AFG3L2: variants seen among roughly 807,000 people sequenced by gnomAD.
The protein encoded by AFG3L2 is mitochondrial inner membrane m-AAA protease component AFG3L2.
AFG3L2 carries 54 observed loss-of-function variants against 94.5 expected under a neutral mutation model. The observed-to-expected ratio is 0.57, with a 90% CI of 0.46 to 0.72. The LOEUF is 0.72. AFG3L2 is among the 30% of genes least tolerant of loss of function. The pLI is 0.00. For missense variants in AFG3L2, 754 were observed against 994.9 expected, an observed-to-expected ratio of 0.76 and a Z score of 3.26; for synonymous variants, 377 against 365.5, an observed-to-expected ratio of 1.03 and a Z score of -0.36.
At position 12,367,261 on chromosome 18, in the gene AFG3L2, T is replaced by C; in HGVS notation, c.399+15A>G. ...CATCATAACCTCAAAATTCACACAA[T>C]GTATAGCATCAAACCTTCTGAAACC... is the stretch of plus-strand genomic sequence containing the variant. On this transcript the variant is annotated intron_variant, in intron 4 of 16. Coordinates refer to ENST00000269143, the MANE Select transcript of AFG3L2 (RefSeq NM_006796.3). 26 of 1,614,072 alleles carry C rather than the reference T, an allele frequency of 1.6e-5. No individual in the cohort carries two copies. The highest frequency in any genetic ancestry group is 2.1e-5 in the Non-Finnish European group (25 of 1,179,978).
intron 9 of AFG3L2, among the ~76,000 whole-genome samples, chr18:12,355,769 C>T (rs990439873): frequency 5.3e-5 from 8 of 151,530 alleles, no homozygotes; most frequent in Non-Finnish European, 1.0e-4. Context: ...CCCAGGTTCA[C>T]GCCATTCTCC....
At chr18:12,349,908 T>C (rs1908260254) in intron 12 of AFG3L2, among the ~76,000 whole-genome samples, 1 of 152,024 alleles carries the variant, frequency 6.6e-6, no homozygotes, top group Admixed American at 6.6e-5. Context: ...GTGATCCACC[T>C]GCCTTGGTAT....
chr18:12,344,298 C>T (rs1478028578), intron 13 of AFG3L2, 51 bp from the exon 14 acceptor site: 11 of 1,422,840 alleles, frequency 7.7e-6, no homozygotes, highest in Non-Finnish European at 9.9e-6. Flanking sequence ...GTGACACTGA[C>T]ATTAAAAGAC....
At chr18:12,337,917 C>T (rs757307906) in intron 15 of AFG3L2, among the ~76,000 whole-genome samples, 1 of 152,122 alleles carries the variant, frequency 6.6e-6, no homozygotes. Flanking sequence ...TTATAGGCAC[C>T]TGCCACCACT....
intron 5 of AFG3L2, 57 bp downstream of exon 5, chr18:12,366,908 A>C: frequency 6.3e-7 from 1 of 1,599,590 alleles, no homozygotes; most frequent in East Asian, 2.2e-5. Flanking sequence ...TCTTTGGTCT[A>C]ATCTGATGAA....
intron 3 of AFG3L2, among the ~76,000 whole-genome samples, chr18:12,370,620 A>G (rs1347399788): frequency 6.6e-6 from 1 of 151,968 alleles, no homozygotes; most frequent in Non-Finnish European, 1.5e-5. Flanking sequence ...ACCATGTCTA[A>G]CTAATTTTTT....
At chr18:12,369,500 G>A (rs772904623) in intron 3 of AFG3L2, among the ~76,000 whole-genome samples, 1 of 152,088 alleles carries the variant, frequency 6.6e-6, no homozygotes, top group Non-Finnish European at 1.5e-5. Flanking sequence ...GGAGGCAGAG[G>A]CGGGTGGATC....
chr18:12,335,354 ACTC>A (rs1188152823), intron 16 of AFG3L2, among the ~76,000 whole-genome samples: 2 of 151,826 alleles, frequency 1.3e-5, no homozygotes, highest in Non-Finnish European at 2.9e-5. Context: ...ACATCCCTCT[ACTC>A]CTCCTTTCAC....
At chr18:12,370,593 G>A (rs1454357883) in intron 3 of AFG3L2, among the ~76,000 whole-genome samples, 1 of 151,486 alleles carries the variant, frequency 6.6e-6, no homozygotes, top group African/African-American at 2.4e-5. Context: ...AGGTAGCTGG[G>A]ACTACAGGTG....
intron 15 of AFG3L2, among the ~76,000 whole-genome samples, chr18:12,339,173 G>A (rs537350823): frequency 9.4e-5 from 14 of 148,710 alleles, no homozygotes; most frequent in African/African-American, 3.2e-4. Flanking sequence ...CCTGGCAGGC[G>A]GAGCTTGCAG....
At position 12,332,958 on chromosome 18, in the gene AFG3L2, CT is replaced by C. The variant is rs1907594230; in HGVS notation, c.2176-3176del. On this transcript the variant is annotated intron_variant, in intron 16 of 16. Transcript: ENST00000269143. Reference sequence around the variant, plus strand: ...TATATAACATATAATATATTATATACTATAATATATTATATATTATATAAAT... The same window carrying C: ...TATATAACATATAATATATTATATACATAATATATTATATATTATATAAAT... Among the ~76,000 whole-genome samples the C allele has an allele frequency of 1.6e-4, 5 of 30,454 alleles. No homozygotes were observed. The East Asian group carries it at 2.0e-3, about 12-fold the overall frequency. 20.0% of individuals were successfully genotyped at this position (30,454 alleles called of 152,430 possible).
At chr18:12,342,802 GT>G (rs1192112728) in intron 14 of AFG3L2, 1 of 152,026 alleles carries the variant, frequency 6.6e-6, no homozygotes, top group Non-Finnish European at 1.5e-5. Flanking sequence ...AATTATCCTG[GT>G]ACCTCTGTGA....
Position 12,377,138 on chromosome 18 carries a change from G to T in AFG3L2, c.-56C>A, listed in dbSNP as rs886053619. 40 of 1,273,458 alleles carry T rather than the reference G, an allele frequency of 3.1e-5. No homozygotes were observed. The East Asian group carries it at 1.3e-3, about 41-fold the overall frequency. The allele number at this position is 1,273,458 out of a possible 1,614,324, so 78.9% of individuals were successfully genotyped here. ...CGCTGCGCAGGCGCGGGCAGGCGAC[G>T]ACTGGCGGCCTCGGGAAGCGGGCTC... is the stretch of plus-strand genomic sequence containing the variant. On this transcript the variant is annotated 5_prime_UTR_variant, in exon 1 of 17. Transcript: ENST00000269143.
chr18:12,375,166 ATGGCGAAGAAATTGATTTAAGAC>A (rs989789605), intron 1 of AFG3L2, among the ~76,000 whole-genome samples: 5 of 151,848 alleles, frequency 3.3e-5, no homozygotes, highest in African/African-American at 1.2e-4. Flanking sequence ...TGGCGTGACC[ATGGCGAAGAAATTGATTTAAGAC>A]TGGCAAGGGA....
intron 5 of AFG3L2, 139 bp from the exon 6 acceptor site, chr18:12,363,995 C>G: frequency 1.4e-6 from 1 of 727,022 alleles, no homozygotes; most frequent in Non-Finnish European, 2.4e-6. Flanking sequence ...CCCCATGTTC[C>G]CCCCTATAAT....
chr18:12,333,359 T>C (rs1907644185), intron 16 of AFG3L2, among the ~76,000 whole-genome samples: 1 of 132,780 alleles, frequency 7.5e-6, no homozygotes, highest in Admixed American at 9.2e-5. Flanking sequence ...TAATTATATA[T>C]ATATATTTTT....
At chr18:12,354,141 C>CT (rs1555672027) in intron 9 of AFG3L2, among the ~76,000 whole-genome samples, 1 of 134,880 alleles carries the variant, frequency 7.4e-6, no homozygotes, top group Non-Finnish European at 1.6e-5. Context: ...CACCCCCCCC[C>CT]CCCCACTTCA....
chr18:12,359,375 C>T (rs1908588233), intron 7 of AFG3L2, among the ~76,000 whole-genome samples: 1 of 151,948 alleles, frequency 6.6e-6, no homozygotes, highest in Admixed American at 6.6e-5. Context: ...ATACCCTAAA[C>T]CACTGCTTCA....
chr18:12,340,972 G>A (rs1355347521), intron 14 of AFG3L2: 1 of 153,622 alleles, frequency 6.5e-6, no homozygotes, highest in Non-Finnish European at 1.4e-5. Flanking sequence ...TGCTCGGGAT[G>A]GTCTTAAACT....
Sources: allele counts gnomAD v4.1 joint callset (sites outside exome capture counted in the v4.1 genomes callset), GRCh38; gene constraint gnomAD v4.1.1; transcripts MANE v1.5; gene names NCBI Gene and HGNC (gene_info 2026-07-23, HGNC 2026-07-21).